The following LCORL variants were observed in gnomAD, a reference collection of about 807,000 sequenced individuals.
The protein encoded by LCORL is ligand dependent nuclear receptor corepressor like, also known as ligand-dependent nuclear receptor corepressor-like protein.
Under a neutral mutation model 141.8 loss-of-function variants are expected in LCORL, and 41 were observed. The observed-to-expected ratio is 0.29, with a 90% confidence interval of 0.23 to 0.38. The LOEUF (loss-of-function observed/expected upper bound fraction) is 0.38, where lower values mean the gene tolerates loss of function less well. Among genes scored for constraint, LCORL ranks in the 10% least tolerant of loss-of-function variants. The pLI is 1.00. For missense variants in LCORL, 1,759 were observed against 2,035.0 expected, an observed-to-expected ratio of 0.86 and a Z score of 2.61; for synonymous variants, 618 against 694.1, an observed-to-expected ratio of 0.89 and a Z score of 1.72.
At chr4:18,010,151 A>G (rs1169106303) in intron 1 of LCORL, among the ~76,000 whole-genome samples, 38 of 152,344 alleles carry the variant, frequency 2.5e-4, no homozygotes, top group Non-Finnish European at 1.5e-5. Context: ...CTATTCTTTT[A>G]CACTAATTCC....
intron 4 of LCORL, among the ~76,000 whole-genome samples, chr4:17,915,390 G>A (rs527888618): frequency 2.9e-4 from 44 of 152,194 alleles, no homozygotes; most frequent in Non-Finnish European, 5.9e-4. Context: ...TGACCCCAGA[G>A]AAAATATGAA....
chr4:17,975,504 C>A (rs921427118), intron 1 of LCORL, among the ~76,000 whole-genome samples: 5 of 149,490 alleles, frequency 3.3e-5, no homozygotes, highest in Non-Finnish European at 7.4e-5. Flanking sequence ...CATGCGAATT[C>A]TCCTGCCTCA....
chr4:17,905,909 TA>T (rs1731537637), intron 5 of LCORL, among the ~76,000 whole-genome samples: 1 of 152,054 alleles, frequency 6.6e-6, no homozygotes, highest in Admixed American at 6.5e-5. Flanking sequence ...TACTATGAAG[TA>T]AAAACAGTGA....
At chr4:17,903,967 C>G (rs559029191) in intron 5 of LCORL, among the ~76,000 whole-genome samples, 133 of 151,580 alleles carry the variant, frequency 8.8e-4, no homozygotes, top group African/African-American at 3.0e-3. Flanking sequence ...GGAAGAAAAC[C>G]CTAAAGGTTA....
chr4:17,962,550 T>C (rs1391024632), intron 3 of LCORL, among the ~76,000 whole-genome samples: 1 of 152,010 alleles, frequency 6.6e-6, no homozygotes, highest in Admixed American at 6.6e-5. Context: ...AATTATGATA[T>C]CCAAAAGACT....
Position 17,886,234 on chromosome 4 carries a change from T to C in LCORL, c.683-73A>G. 3.7e-6 allele frequency: 3 copies of C among 807,796 alleles called. No homozygotes were observed. The East Asian group carries it at 7.5e-5, about 20-fold the overall frequency. 50.0% of individuals were successfully genotyped at this position (807,796 alleles called of 1,614,324 possible). On this transcript the variant is annotated intron_variant, in intron 5 of 7. Coordinates refer to ENST00000635767, the Ensembl canonical transcript of LCORL. ...AATCCTTACATTTTAATATTTCATA[T>C]TTTGTTGATCTAATTCATAACACTA...
intron 5 of LCORL, among the ~76,000 whole-genome samples, chr4:17,905,052 T>C (rs1731401354): frequency 6.6e-6 from 1 of 152,170 alleles, no homozygotes; most frequent in Admixed American, 6.5e-5. Flanking sequence ...AGTTTATCCA[T>C]TTCATTCTTA....
chr4:17,980,381 C>A (rs1177824663), intron 1 of LCORL, among the ~76,000 whole-genome samples: 1 of 152,216 alleles, frequency 6.6e-6, no homozygotes, highest in Non-Finnish European at 1.5e-5. Context: ...TTTAGACTGA[C>A]TTGCTTTTAT....
rs1310045391 is a variant in LCORL at position 17,878,064 on chromosome 4, G to GA, written c.925dup (p.Ser309PhefsTer6). 8.1e-7 allele frequency: 1 copy of GA among 1,230,480 alleles called. No individual in the cohort carries two copies. Among genetic ancestry groups the GA allele is most frequent in the African/African-American group, 1.6e-5 (1 of 64,290 alleles). The allele number at this position is 1,230,480 out of a possible 1,614,324, so 76.2% of individuals were successfully genotyped here. A position where few individuals can be genotyped will look rare whatever the true frequency, so the allele number is the denominator to read the frequency against. On this transcript the variant is annotated frameshift_variant, in exon 7 of 8. Coordinates refer to ENST00000635767, the Ensembl canonical transcript of LCORL. LOFTEE classifies it high-confidence loss of function. ...ACATGATGTATTACAACAGCAAAGA[G>GA]AAGCAGCATTCTGCTCTTGGACTAG...
chr4:17,998,161 T>G (rs1213125987), intron 1 of LCORL, among the ~76,000 whole-genome samples: 1 of 152,152 alleles, frequency 6.6e-6, no homozygotes, highest in Admixed American at 6.5e-5. Flanking sequence ...TACAAAATAG[T>G]ATACCTGTAT....
chr4:17,913,505 T>C (rs990821250), intron 4 of LCORL, among the ~76,000 whole-genome samples: 4 of 152,118 alleles, frequency 2.6e-5, no homozygotes, highest in African/African-American at 9.7e-5. Context: ...ATGGCAACAG[T>C]TTTTTGGAAT....
At chr4:17,874,912 A>G in exon 7 of LCORL, 2 of 1,233,754 alleles carry the variant, frequency 1.6e-6, no homozygotes, top group Non-Finnish European at 2.0e-6. Context: ...AGTTTATATG[A>G]TTTATGGAGC....
At chr4:17,868,908 C>T (rs1725998758) in intron 7 of LCORL, among the ~76,000 whole-genome samples, 1 of 152,136 alleles carries the variant, frequency 6.6e-6, no homozygotes, top group Non-Finnish European at 1.5e-5. Flanking sequence ...TATTTCAAAC[C>T]TTGTCCATAT....
At chr4:17,877,882 A>G in exon 7 of LCORL, 1 of 1,230,760 alleles carries the variant, frequency 8.1e-7, no homozygotes, top group Non-Finnish European at 1.0e-6. Context: ...CAAGATAAAC[A>G]ATGTAAATCT....
chr4:17,881,268 G>C (rs900647258), intron 6 of LCORL: 4 of 981,930 alleles, frequency 4.1e-6, no homozygotes, highest in Non-Finnish European at 4.8e-6. Context: ...TCAGAAAATT[G>C]TCAATTAATA....
At chr4:17,956,524 T>C (rs1380944444) in intron 4 of LCORL, among the ~76,000 whole-genome samples, 2 of 152,088 alleles carry the variant, frequency 1.3e-5, no homozygotes, top group East Asian at 1.9e-4. Flanking sequence ...TGGACAGCCA[T>C]TATGTTAAAT....
intron 5 of LCORL, 131 bp from the exon 6 acceptor site, chr4:17,886,292 TA>T: frequency 1.7e-6 from 1 of 603,860 alleles, no homozygotes; most frequent in Non-Finnish European, 2.9e-6. Flanking sequence ...CTATTCATCT[TA>T]AACGGGTTTA....
intron 7 of LCORL, among the ~76,000 whole-genome samples, chr4:17,860,190 A>T (rs776481007): frequency 2.6e-5 from 4 of 152,214 alleles, no homozygotes; most frequent in Non-Finnish European, 4.4e-5. Context: ...GAGGCATCAC[A>T]TTACCTGACT....
intron 1 of LCORL, among the ~76,000 whole-genome samples, chr4:17,983,102 C>T (rs1242233643): frequency 6.6e-6 from 1 of 152,160 alleles, no homozygotes; most frequent in Non-Finnish European, 1.5e-5. Context: ...TCTGTGCTCT[C>T]TATTCCATCC....
Sources: gnomAD v4.1 joint callset for allele counts (sites outside exome capture counted in the v4.1 genomes callset) on GRCh38, gnomAD v4.1.1 for gene constraint, MANE v1.5 for transcripts, NCBI Gene and HGNC (gene_info 2026-07-23, HGNC 2026-07-21) for gene names.